The following NDUFV2 variants were observed in gnomAD, a reference collection of about 807,000 sequenced individuals.
The protein encoded by NDUFV2 is NADH:ubiquinone oxidoreductase core subunit V2.
In NDUFV2, 18 loss-of-function variants were observed where a neutral mutation model predicts 31.6. That is an observed-to-expected ratio of 0.57 (90% CI 0.39 to 0.84). The LOEUF (loss-of-function observed/expected upper bound fraction) is 0.84, where lower values mean the gene tolerates loss of function less well. Ranked by LOEUF, NDUFV2 falls within the 40% of genes least tolerant of loss-of-function variation. The pLI is 0.00. For synonymous variants in NDUFV2, 83 were observed against 99.8 expected (o/e 0.83, Z 1.01); for missense variants, 314 against 303.6 (o/e 1.03, Z -0.26).
chr18:9,108,423 AT>A (rs1459954134), intron 1 of NDUFV2, among the ~76,000 whole-genome samples: 3 of 152,198 alleles, frequency 2.0e-5, no homozygotes, highest in Non-Finnish European at 4.4e-5. Context: ...CATTTCATTT[AT>A]TTAGCTGTGT....
rs193037038 is a variant in NDUFV2, at chr18:9,121,498, G to A, written c.301-1015G>A. On this transcript the variant is annotated intron_variant, in intron 4 of 7. Transcript: ENST00000318388. ...CACAATTACTTTATCTGTCACAAGTGAGCCATGATTAGATGTCTTTTGAGA... is the reference window on the plus strand; with the variant it reads ...CACAATTACTTTATCTGTCACAAGTAAGCCATGATTAGATGTCTTTTGAGA... The A allele has an allele frequency of 1.1e-4, 16 of 152,318 alleles. 1 individual carries two copies. In the East Asian group the frequency reaches 3.1e-3, roughly 29 times the overall value. 9.4% of individuals were successfully genotyped at this position (152,318 alleles called of 1,614,324 possible). A position where few individuals can be genotyped will look rare whatever the true frequency, so the allele number is the denominator to read the frequency against.
chr18:9,123,672 T>C (rs2077960278), intron 5 of NDUFV2, among the ~76,000 whole-genome samples: 1 of 152,132 alleles, frequency 6.6e-6, no homozygotes, highest in African/African-American at 2.4e-5. Flanking sequence ...TTTGTTTTTG[T>C]AGAGAGGGGT....
chr18:9,127,503 A>G (rs574146491), intron 7 of NDUFV2, among the ~76,000 whole-genome samples: 1 of 152,210 alleles, frequency 6.6e-6, no homozygotes, highest in South Asian at 2.1e-4. Context: ...TCACTCCGTC[A>G]CCCAGTCTGG....
In NDUFV2 at chr18:9,119,594, C is replaced by T. The variant is rs781548548; in HGVS notation, c.300+4C>T. The T allele has an allele frequency of 1.9e-6, 3 of 1,606,518 alleles. No individual in the cohort carries two copies. Among genetic ancestry groups the T allele is most frequent in the Non-Finnish European group, 2.6e-6 (3 of 1,173,208 alleles). On this transcript the variant is annotated splice_donor_region_variant and intron_variant, in intron 4 of 7. Coordinates refer to ENST00000318388, the MANE Select transcript of NDUFV2 (RefSeq NM_021074.5). ...GCCCATCTCTGCTATGAACAAGGTACTGGATTCATTTTTGCCTTAGTTCTA... is the reference window on the plus strand; with the variant it reads ...GCCCATCTCTGCTATGAACAAGGTATTGGATTCATTTTTGCCTTAGTTCTA...
intron 1 of NDUFV2, among the ~76,000 whole-genome samples, chr18:9,105,747 A>G (rs1236437538): frequency 6.6e-6 from 1 of 152,202 alleles, no homozygotes; most frequent in Non-Finnish European, 1.5e-5. Context: ...TCATTTTCAT[A>G]CAGTTGTAAA....
intron 5 of NDUFV2, 56 bp from the exon 6 acceptor site, chr18:9,124,818 A>G: frequency 1.4e-6 from 2 of 1,479,034 alleles, no homozygotes; most frequent in East Asian, 2.4e-5. Context: ...TTTTTTTTAA[A>G]CCAAATGACT....
rs144079563 is a variant in NDUFV2 at position 9,114,236 on chromosome 18, G to A, written c.55-3602G>A. Among the ~76,000 whole-genome samples, 468 of 152,258 alleles carry A rather than the reference G, an allele frequency of 3.1e-3. 10 individuals are homozygous for A. Among genetic ancestry groups the A allele is most frequent in the African/African-American group, 0.011 (440 of 41,558 alleles). On this transcript the variant is annotated intron_variant, in intron 1 of 7. Coordinates refer to ENST00000318388, the MANE Select transcript of NDUFV2 (RefSeq NM_021074.5). ...AAATTTATGAATTAATTTCAGTGGA[G>A]AAGTAGATGGTTTTTTAACCATCAA... is the stretch of plus-strand genomic sequence containing the variant.
At chr18:9,126,806 T>C in intron 6 of NDUFV2, 25 bp from the exon 7 acceptor site, 2 of 1,553,992 alleles carry the variant, frequency 1.3e-6, no homozygotes, top group Non-Finnish European at 1.8e-6. Flanking sequence ...AATTTAAATA[T>C]GACTATTGTT....
chr18:9,118,180 G>A (rs1269181865), intron 2 of NDUFV2, among the ~76,000 whole-genome samples: 1 of 152,070 alleles, frequency 6.6e-6, no homozygotes, highest in Non-Finnish European at 1.5e-5. Flanking sequence ...TCACACTTTG[G>A]GTTCTCAGTC....
intron 1 of NDUFV2, among the ~76,000 whole-genome samples, chr18:9,113,175 G>A (rs562951126): frequency 1.9e-4 from 29 of 152,310 alleles, no homozygotes; most frequent in African/African-American, 6.7e-4. Flanking sequence ...TGCTTCTTGA[G>A]AGCATTAAGA....
chr18:9,122,696 A>G lies in NDUFV2; in HGVS notation c.469+15A>G, dbSNP rs1227574582. 1 of 1,613,164 alleles carries G rather than the reference A, an allele frequency of 6.2e-7. No individual in the cohort carries two copies. Among genetic ancestry groups the G allele is most frequent in the Non-Finnish European group, 8.5e-7 (1 of 1,179,258 alleles). ...GAAAAAGCTTGGTAGGGAATACATG[A>G]TATTTGTAACACTGATAAAAAGTAG... On this transcript the variant is annotated intron_variant, in intron 5 of 7. Transcript: ENST00000318388.
chr18:9,112,640 A>C (rs1445360170), intron 1 of NDUFV2: 1 of 151,630 alleles, frequency 6.6e-6, no homozygotes, highest in East Asian at 2.0e-4. Flanking sequence ...GCGCCACCAC[A>C]CCCGGCCAAT....
intron 7 of NDUFV2, among the ~76,000 whole-genome samples, chr18:9,127,145 A>G (rs563547332): frequency 6.6e-6 from 1 of 152,208 alleles, no homozygotes; most frequent in Non-Finnish European, 1.5e-5. Context: ...ATAGAAATCT[A>G]TTCCATTATT....
chr18:9,133,664 A>G (rs564860221), intron 7 of NDUFV2, among the ~76,000 whole-genome samples: 47 of 152,362 alleles, frequency 3.1e-4, no homozygotes, highest in South Asian at 1.5e-3. Flanking sequence ...AATACAATGT[A>G]TAAGTGTGTG....
chr18:9,107,362 T>C lies in NDUFV2; in HGVS notation c.54+4565T>C, dbSNP rs1019209653. ...GGTCTGTTGCCCATGCTGTATAACC[T>C]ATTGAGTGACAGTCAGTCTGATTTT... On this transcript the variant is annotated intron_variant, in intron 1 of 7. Coordinates refer to ENST00000318388, the MANE Select transcript of NDUFV2 (RefSeq NM_021074.5). 2.0e-4 allele frequency among the ~76,000 whole-genome samples: 30 copies of C among 152,230 alleles called. No individual in the cohort carries two copies. In the East Asian group the frequency reaches 5.6e-3, roughly 28 times the overall value.
At chr18:9,104,874 TAAA>T (rs1236225844) in intron 1 of NDUFV2, 17 of 1,451,504 alleles carry the variant, frequency 1.2e-5, no homozygotes, top group Non-Finnish European at 5.5e-6. Context: ...GCTCAAAAAA[TAAA>T]AATCATCCAT....
intron 7 of NDUFV2, among the ~76,000 whole-genome samples, chr18:9,128,078 C>G (rs1035828991): frequency 1.3e-5 from 2 of 152,126 alleles, no homozygotes; most frequent in Non-Finnish European, 2.9e-5. Flanking sequence ...TCTCTTAATA[C>G]TAGCAAATGT....
intron 4 of NDUFV2, among the ~76,000 whole-genome samples, chr18:9,120,450 T>C (rs1343989090): frequency 6.6e-6 from 1 of 152,228 alleles, no homozygotes; most frequent in African/African-American, 2.4e-5. Context: ...AATTCATTTC[T>C]AAATCAGTGC....
chr18:9,110,439 G>GA (rs1232691601), intron 1 of NDUFV2, among the ~76,000 whole-genome samples: 1 of 152,042 alleles, frequency 6.6e-6, no homozygotes, highest in African/African-American at 2.4e-5. Context: ...TATGCCAGTT[G>GA]AAAAAAACCG....
Sources: gnomAD v4.1 joint callset for allele counts (sites outside exome capture counted in the v4.1 genomes callset) on GRCh38, gnomAD v4.1.1 for gene constraint, MANE v1.5 for transcripts, NCBI Gene and HGNC (gene_info 2026-07-23, HGNC 2026-07-21) for gene names.